THRB: variants seen among roughly 807,000 people sequenced by gnomAD.
THRB encodes the protein thyroid hormone receptor beta.
THRB carries 12 observed loss-of-function variants against 47.8 expected under a neutral mutation model. That is an observed-to-expected ratio of 0.25 (90% CI 0.16 to 0.41). The LOEUF (loss-of-function observed/expected upper bound fraction) is 0.41, where lower values mean the gene tolerates loss of function less well. Ranked by LOEUF, THRB falls within the 10% of genes least tolerant of loss-of-function variation. THRB has a pLI of 1.00. For missense variants in THRB, 348 were observed against 589.2 expected, an observed-to-expected ratio of 0.59 and a Z score of 4.24; for synonymous variants, 218 against 212.2, an observed-to-expected ratio of 1.03 and a Z score of -0.24.
chr3:24,170,729 C>T (rs1398312086), intron 5 of THRB, among the ~76,000 whole-genome samples: 1 of 152,048 alleles, frequency 6.6e-6, no homozygotes, highest in Non-Finnish European at 1.5e-5. Flanking sequence ...GCCTAAGTGA[C>T]ATTTTGTGTG....
At chr3:24,407,466 G>T (rs763162789) in intron 1 of THRB, among the ~76,000 whole-genome samples, 3 of 151,744 alleles carry the variant, frequency 2.0e-5, no homozygotes, top group Non-Finnish European at 4.4e-5. Flanking sequence ...ACTTCTTTAT[G>T]ATTTGCAATT....
chr3:24,489,059 T>C (rs562841389), intron 1 of THRB, among the ~76,000 whole-genome samples: 14 of 152,030 alleles, frequency 9.2e-5, no homozygotes, highest in South Asian at 6.2e-4. Context: ...ATCGAGACCA[T>C]CCTGGCCAAC....
chr3:24,489,990 T>C (rs1697895196), intron 1 of THRB, among the ~76,000 whole-genome samples: 1 of 152,194 alleles, frequency 6.6e-6, no homozygotes, highest in South Asian at 2.1e-4. Context: ...TTAATATACA[T>C]GGGCTATAGA....
intron 1 of THRB, among the ~76,000 whole-genome samples, chr3:24,359,122 A>G (rs1577081377): frequency 2.6e-5 from 4 of 152,168 alleles, no homozygotes; most frequent in Non-Finnish European, 5.9e-5. Flanking sequence ...TTGTGGGTCC[A>G]GAATTCAAGC....
intron 1 of THRB, among the ~76,000 whole-genome samples, chr3:24,395,518 A>G (rs912483261): frequency 2.0e-5 from 3 of 152,128 alleles, no homozygotes; most frequent in African/African-American, 7.2e-5. Context: ...ACATAAAAAG[A>G]CGTTCAACTT....
At chr3:24,138,087 C>T (rs2034925727) in intron 8 of THRB, among the ~76,000 whole-genome samples, 1 of 152,038 alleles carries the variant, frequency 6.6e-6, no homozygotes, top group African/African-American at 2.4e-5. Flanking sequence ...GGCCAACTGG[C>T]TTTCTGCTTT....
At chr3:24,280,238 C>T (rs1330420468) in intron 3 of THRB, among the ~76,000 whole-genome samples, 1 of 152,114 alleles carries the variant, frequency 6.6e-6, no homozygotes, top group Non-Finnish European at 1.5e-5. Context: ...AGCTGGAGAT[C>T]TGAGAATGGG....
chr3:24,169,186 C>T (rs1007006279), intron 5 of THRB, among the ~76,000 whole-genome samples: 2 of 152,138 alleles, frequency 1.3e-5, no homozygotes, highest in Admixed American at 6.5e-5. Flanking sequence ...AAAAACTATA[C>T]GTCCCAGTTT....
Position 24,377,007 on chromosome 3 carries a change from G to A in THRB, c.-260-39636C>T, listed in dbSNP as rs148042835. 9.2e-5 allele frequency among the ~76,000 whole-genome samples: 14 copies of A among 152,098 alleles called. No homozygotes were observed. In the East Asian group the frequency reaches 9.7e-4, roughly 11 times the overall value. The stretch of plus-strand genomic sequence containing the variant: ...GGCTACAGTGCAGTGGCATGATGGC[G>A]GCTCACTGTAGCTTTGGCCTCCTAG... On this transcript the variant is annotated intron_variant, in intron 1 of 10. Coordinates refer to ENST00000646209, the MANE Select transcript of THRB (RefSeq NM_001354712.2).
rs141958089 is a variant in THRB, at chr3:24,490,183, A to G, written c.-261+4469T>C. On this transcript the variant is annotated intron_variant, in intron 1 of 10. Transcript: ENST00000646209. ...TGAAAAATGGCTAGCAGAGCCAGGT[A>G]CATAGTAGATACATAAATATTTGTA... is the stretch of plus-strand genomic sequence containing the variant. Among the ~76,000 whole-genome samples the G allele has an allele frequency of 2.3e-4, 35 of 152,346 alleles. No individual in the cohort carries two copies. In the East Asian group the frequency reaches 6.4e-3, roughly 28 times the overall value.
intron 1 of THRB, among the ~76,000 whole-genome samples, chr3:24,423,912 A>G (rs1333426796): frequency 6.6e-6 from 1 of 151,898 alleles, no homozygotes; most frequent in African/African-American, 2.4e-5. Context: ...ATTTAAATAG[A>G]GAAATTTTTA....
chr3:24,361,740 C>G (rs894199431), intron 1 of THRB, among the ~76,000 whole-genome samples: 8 of 152,090 alleles, frequency 5.3e-5, no homozygotes, highest in Non-Finnish European at 1.2e-4. Flanking sequence ...AGCTAATAAA[C>G]AGTGAGGGTC....
Position 24,454,285 on chromosome 3 carries a change from T to C in THRB, c.-261+40367A>G, listed in dbSNP as rs146576272. 2.3e-3 allele frequency among the ~76,000 whole-genome samples: 353 copies of C among 152,336 alleles called. 1 individual carries two copies. The highest frequency in any genetic ancestry group is 7.6e-3 in the African/African-American group (318 of 41,582). ...GTCAAACATATTGTATTATTCCATA[T>C]ACATGAGATGTCCAGAATAGGAAAA... On this transcript the variant is annotated intron_variant, in intron 1 of 10. Transcript: ENST00000646209.
intron 5 of THRB, among the ~76,000 whole-genome samples, chr3:24,182,803 G>A (rs2042074364): frequency 6.6e-6 from 1 of 152,212 alleles, no homozygotes; most frequent in Non-Finnish European, 1.5e-5. Context: ...GACTGTATAA[G>A]TAGATACGTG....
intron 1 of THRB, among the ~76,000 whole-genome samples, chr3:24,437,163 A>G (rs2071050397): frequency 6.7e-6 from 1 of 148,900 alleles, no homozygotes; most frequent in South Asian, 2.1e-4. Context: ...ATGTATATAT[A>G]TAACGAAATG....
At chr3:24,376,465 A>G (rs1276253561) in intron 1 of THRB, among the ~76,000 whole-genome samples, 1 of 152,166 alleles carries the variant, frequency 6.6e-6, no homozygotes, top group Non-Finnish European at 1.5e-5. Context: ...AGAAACATGT[A>G]TAGGGGGTTT....
At chr3:24,314,971 C>A (rs750931736) in intron 2 of THRB, among the ~76,000 whole-genome samples, 17 of 152,236 alleles carry the variant, frequency 1.1e-4, no homozygotes, top group Admixed American at 3.9e-4. Flanking sequence ...TAATCTATAT[C>A]GATGTATTAC....
intron 8 of THRB, among the ~76,000 whole-genome samples, chr3:24,141,364 T>C (rs2035419144): frequency 6.6e-6 from 1 of 152,222 alleles, no homozygotes; most frequent in African/African-American, 2.4e-5. Flanking sequence ...GTGGTTTCTC[T>C]GCTTCCAGAC....
At chr3:24,182,046 A>G (rs528542894) in intron 5 of THRB, among the ~76,000 whole-genome samples, 42 of 152,244 alleles carry the variant, frequency 2.8e-4, no homozygotes, top group African/African-American at 8.4e-4. Context: ...CTAAAAATAC[A>G]AAAAGTTAGC....
Sources: gnomAD v4.1 joint callset for allele counts (sites outside exome capture counted in the v4.1 genomes callset) on GRCh38, gnomAD v4.1.1 for gene constraint, MANE v1.5 for transcripts, NCBI Gene and HGNC (gene_info 2026-07-23, HGNC 2026-07-21) for gene names.